The following TSPAN19 variants were observed in gnomAD, a reference collection of about 807,000 sequenced individuals.
TSPAN19 encodes the protein tetraspanin 19, also known as tetraspanin-19.
Under a neutral mutation model 35.1 loss-of-function variants are expected in TSPAN19, and 44 were observed. The observed-to-expected ratio is 1.25, with a 90% CI of 0.98 to 1.61. TSPAN19 has a LOEUF of 1.61. TSPAN19 is among the 40% of genes most tolerant of loss of function. The pLI is 0.00. For synonymous variants in TSPAN19, 79 were observed against 92.0 expected (o/e 0.86, Z 0.81); for missense variants, 290 against 280.0 (o/e 1.04, Z -0.26).
rs568958344 is a variant in TSPAN19, at chr12:85,028,567, A to C, written c.140-544T>G. On this transcript the variant is annotated intron_variant, in intron 3 of 8. Coordinates refer to ENST00000532498, the MANE Select transcript of TSPAN19 (RefSeq NM_001100917.2). Reference sequence around the variant, plus strand: ...GTGCTATGGCACAAACAGCAGAACAATAAATGCTCAACAAATAATTGTTTT... The same window carrying C: ...GTGCTATGGCACAAACAGCAGAACACTAAATGCTCAACAAATAATTGTTTT... Among the ~76,000 whole-genome samples, 7 of 152,338 alleles carry C rather than the reference A, an allele frequency of 4.6e-5. No individual in the cohort carries two copies. The South Asian group carries it at 1.4e-3, about 32-fold the overall frequency.
chr12:85,027,224 A>G (rs1229598114), intron 4 of TSPAN19, among the ~76,000 whole-genome samples: 2 of 152,132 alleles, frequency 1.3e-5, no homozygotes, highest in East Asian at 1.9e-4. Context: ...TTTAAAAATA[A>G]CAATTTGTGA....
chr12:85,029,602 T>A, intron 3 of TSPAN19, 117 bp downstream of exon 3: 1 of 860,062 alleles, frequency 1.2e-6, no homozygotes, highest in Non-Finnish European at 1.8e-6. Flanking sequence ...TCAGAAGGAA[T>A]GCTGGACACT....
intron 6 of TSPAN19, 116 bp from the exon 7 acceptor site, chr12:85,017,715 A>G: frequency 1.4e-6 from 1 of 705,888 alleles, no homozygotes. Context: ...TTTCCCCATG[A>G]ACATGTAATG....
rs1216011590 is a variant in TSPAN19 at position 85,014,410 on chromosome 12, C to T, written c.*77G>A. 1.7e-5 allele frequency: 18 copies of T among 1,044,144 alleles called. No individual in the cohort carries two copies. In the Admixed American group the frequency reaches 3.1e-4, roughly 18 times the overall value. 64.7% of individuals were successfully genotyped at this position (1,044,144 alleles called of 1,614,324 possible). On this transcript the variant is annotated 3_prime_UTR_variant, in exon 9 of 9. Coordinates refer to ENST00000532498, the MANE Select transcript of TSPAN19 (RefSeq NM_001100917.2). ...ATCTGTTATTTAATACAATTCAAAA[C>T]GTTTTTGGAATAAAATAATATAATG...
intron 6 of TSPAN19, among the ~76,000 whole-genome samples, chr12:85,018,330 C>T (rs554650579): frequency 1.3e-4 from 20 of 151,924 alleles, no homozygotes; most frequent in South Asian, 6.2e-4. Flanking sequence ...CAACAATCTA[C>T]GACAATTCTA....
rs943736739 is a variant in TSPAN19 at position 85,027,917 on chromosome 12, G to C, written c.246C>G (p.Ile82Met). ...LLGYIGIHNEIRWLLIVYAVL... is the reference protein window; with the variant it reads ...LLGYIGIHNEMRWLLIVYAVL... ...TACGTACCACAATTAGGAGCCATCT[G>C]ATTTCGTTGTGAATTCCTATATAAC... Residue 82 changes from isoleucine to methionine, a missense_variant, in exon 4 of 9, where the codon ATC (isoleucine) becomes ATG (methionine). Coordinates refer to ENST00000532498, the MANE Select transcript of TSPAN19 (RefSeq NM_001100917.2). 1 of 1,580,112 alleles carries C rather than the reference G, an allele frequency of 6.3e-7. No homozygotes were observed. The highest frequency in any genetic ancestry group is 8.6e-7 in the Non-Finnish European group (1 of 1,163,644).
chr12:85,021,516 G>C (rs1168849271), intron 5 of TSPAN19, among the ~76,000 whole-genome samples: 1 of 151,948 alleles, frequency 6.6e-6, no homozygotes, highest in Non-Finnish European at 1.5e-5. Context: ...GCCTCGTTTT[G>C]TTTCTAAAAC....
rs958529709 is a variant in TSPAN19, at chr12:85,016,162, T to C, written c.595-191A>G. Reference sequence around the variant, plus strand: ...GGCAGCAGGACACCTCAGTTGCTAATTTTAAAATTGCTAAGATGTTATCAT... The same window carrying C: ...GGCAGCAGGACACCTCAGTTGCTAACTTTAAAATTGCTAAGATGTTATCAT... On this transcript the variant is annotated intron_variant, in intron 7 of 8. Transcript: ENST00000532498. 1.2e-4 allele frequency: 54 copies of C among 440,066 alleles called. No individual in the cohort carries two copies. In the South Asian group the frequency reaches 2.1e-3, roughly 17 times the overall value. The allele number at this position is 440,066 out of a possible 1,614,324, so 27.3% of individuals were successfully genotyped here. A position where few individuals can be genotyped will look rare whatever the true frequency, so the allele number is the denominator to read the frequency against.
In TSPAN19 at chr12:85,017,527, G is replaced by T. The variant is rs745478092; in HGVS notation, c.523C>A (p.Pro175Thr). The stretch of plus-strand genomic sequence containing the variant: ...AAAGTTGACTTTGTGCAAGAACATG[G>T]CACCTGTCCTGAATTTTCTTTGTTC... ...NKNKENSGQVPCSCTKSTLRK... is the reference protein window; with the variant it reads ...NKNKENSGQVTCSCTKSTLRK... Residue 175 changes from proline (P) to threonine (T), a missense_variant, in exon 7 of 9, where the codon CCA becomes ACA. Coordinates refer to ENST00000532498, the MANE Select transcript of TSPAN19 (RefSeq NM_001100917.2). The T allele has an allele frequency of 6.2e-7, 1 of 1,603,448 alleles. No homozygotes were observed. Among genetic ancestry groups the T allele is most frequent in the Non-Finnish European group, 8.5e-7 (1 of 1,174,050 alleles).
chr12:85,026,324 A>G (rs1205905692), intron 4 of TSPAN19, among the ~76,000 whole-genome samples: 1 of 152,170 alleles, frequency 6.6e-6, no homozygotes, highest in Non-Finnish European at 1.5e-5. Flanking sequence ...TGAGAAAATT[A>G]TGCTAAGGAT....
Position 85,029,939 on chromosome 12 carries a change from C to G in TSPAN19, c.8G>C (p.Arg3Thr). 1 of 1,448,734 alleles carries G rather than the reference C, an allele frequency of 6.9e-7. No individual in the cohort carries two copies. Among genetic ancestry groups the G allele is most frequent in the Non-Finnish European group, 9.3e-7 (1 of 1,075,474 alleles). The allele number at this position is 1,448,734 out of a possible 1,614,324, so 89.7% of individuals were successfully genotyped here. A position where few individuals can be genotyped will look rare whatever the true frequency, so the allele number is the denominator to read the frequency against. Residue 3 changes from arginine (R) to threonine (T), a missense_variant, in exon 2 of 9, where the codon AGA becomes ACA. Transcript: ENST00000532498. MLRNNKTIIIKYF... is the reference protein window; with the variant it reads MLTNNKTIIIKYF... ...CTTAATAATTATTGTTTTGTTATTT[C>G]TTAACATTCTTTTTCTTCCAAGATA...
intron 1 of TSPAN19, among the ~76,000 whole-genome samples, chr12:85,031,626 T>C (rs1877687494): frequency 6.6e-6 from 1 of 152,144 alleles, no homozygotes; most frequent in Non-Finnish European, 1.5e-5. Context: ...AAGTAGGTGA[T>C]TGGTTCACTT....
intron 5 of TSPAN19, among the ~76,000 whole-genome samples, chr12:85,022,958 T>A (rs190491552): frequency 8.9e-4 from 135 of 152,276 alleles, no homozygotes; most frequent in African/African-American, 3.1e-3. Context: ...AGTCTAAATT[T>A]GTTTCTTTGC....
chr12:85,029,256 A>G (rs1039523678), intron 3 of TSPAN19, among the ~76,000 whole-genome samples: 12 of 152,140 alleles, frequency 7.9e-5, no homozygotes, highest in African/African-American at 2.4e-4. Context: ...GGGGAGTCAC[A>G]TAAGCTTTTA....
intron 4 of TSPAN19, among the ~76,000 whole-genome samples, chr12:85,025,856 T>C (rs751183057): frequency 6.6e-6 from 1 of 152,316 alleles, no homozygotes; most frequent in Non-Finnish European, 1.5e-5. Context: ...GCCTATAATA[T>C]TTGCCCATAA....
chr12:85,024,026 A>G (rs114150254), intron 4 of TSPAN19, among the ~76,000 whole-genome samples: 394 of 152,366 alleles, frequency 2.6e-3, no homozygotes, highest in African/African-American at 8.9e-3. Context: ...TTCAAGAATA[A>G]GAAATAAAGA....
At chr12:85,018,831 A>G (rs1223519724) in intron 6 of TSPAN19, among the ~76,000 whole-genome samples, 1 of 151,936 alleles carries the variant, frequency 6.6e-6, no homozygotes. Context: ...TAAAATGAGG[A>G]TAACAGTTCC....
chr12:85,017,357 T>C, intron 7 of TSPAN19, 99 bp downstream of exon 7: 2 of 1,110,712 alleles, frequency 1.8e-6, no homozygotes, highest in East Asian at 2.6e-5. Flanking sequence ...GTCAACAACA[T>C]TATTTTTATA....
chr12:85,023,190 G>T, intron 5 of TSPAN19, 136 bp downstream of exon 5: 2 of 733,118 alleles, frequency 2.7e-6, no homozygotes, highest in Non-Finnish European at 4.4e-6. Context: ...TAGTACTTTT[G>T]TTAAATATTA....
Sources: gnomAD v4.1 joint callset for allele counts (sites outside exome capture counted in the v4.1 genomes callset) on GRCh38, gnomAD v4.1.1 for gene constraint, MANE v1.5 for transcripts, NCBI Gene and HGNC (gene_info 2026-07-23, HGNC 2026-07-21) for gene names.